The following WWOX variants were observed in gnomAD, a reference collection of about 807,000 sequenced individuals.
The protein encoded by WWOX is WW domain-containing oxidoreductase.
WWOX carries 69 observed loss-of-function variants against 46.2 expected under a neutral mutation model. The observed-to-expected ratio is 1.49, with a 90% CI of 1.23 to 1.82. The LOEUF (loss-of-function observed/expected upper bound fraction) is 1.82, where lower values mean the gene tolerates loss of function less well. WWOX is among the 40% of genes most tolerant of loss of function. The pLI, the probability that WWOX is intolerant of heterozygous loss-of-function variation, is 0.00. For synonymous variants in WWOX, 359 were observed against 202.6 expected, an observed-to-expected ratio of 1.77 and a Z score of -6.56; for missense variants, 919 against 542.6, an observed-to-expected ratio of 1.69 and a Z score of -6.89.
rs549326066 is a variant in WWOX at position 78,519,465 on chromosome 16, C to T, written c.1056+86713C>T. ...TAATGTGTTTCCTTCTAATTTTTTT[C>T]TTCATTTATATTATACATCTATGAA... On this transcript the variant is annotated intron_variant, in intron 8 of 8. Coordinates refer to ENST00000566780, the MANE Select transcript of WWOX (RefSeq NM_016373.4). Among the ~76,000 whole-genome samples, 4 of 151,400 alleles carry T rather than the reference C, an allele frequency of 2.6e-5. No individual in the cohort carries two copies. In the East Asian group the frequency reaches 7.8e-4, roughly 29 times the overall value.
intron 8 of WWOX, among the ~76,000 whole-genome samples, chr16:78,631,869 C>G (rs1276390056): frequency 6.6e-6 from 1 of 152,138 alleles, no homozygotes; most frequent in Admixed American, 6.5e-5. Context: ...GAAGCTTGCT[C>G]TCTTTTTATT....
In WWOX at chr16:79,134,821, C is replaced by T. The variant is rs116628446; in HGVS notation, c.1057-76787C>T. The stretch of plus-strand genomic sequence containing the variant: ...GTTGCCTGTTTCTTTTCATTTGACA[C>T]GGGATGGCCTAATGGGTCCCCACCA... On this transcript the variant is annotated intron_variant, in intron 8 of 8. Transcript: ENST00000566780. Among the ~76,000 whole-genome samples the T allele has an allele frequency of 1.8e-3, 279 of 152,228 alleles. 1 individual carries two copies. The highest frequency in any genetic ancestry group is 6.3e-3 in the African/African-American group (261 of 41,536).
intron 8 of WWOX, among the ~76,000 whole-genome samples, chr16:78,997,465 C>T (rs966737466): frequency 6.6e-6 from 1 of 152,064 alleles, no homozygotes; most frequent in African/African-American, 2.4e-5. Flanking sequence ...GCCTGACCTC[C>T]CTTTTCTCTG....
At chr16:78,977,040 G>A (rs907699648) in intron 8 of WWOX, among the ~76,000 whole-genome samples, 5 of 152,138 alleles carry the variant, frequency 3.3e-5, no homozygotes, top group African/African-American at 1.2e-4. Context: ...GGACAATCAG[G>A]TTTCAACTGA....
At chr16:78,580,227 G>C (rs990648423) in intron 8 of WWOX, among the ~76,000 whole-genome samples, 3 of 151,962 alleles carry the variant, frequency 2.0e-5, no homozygotes, top group African/African-American at 7.3e-5. Context: ...GTGTGTGCCA[G>C]CATGCCCGGC....
intron 5 of WWOX, among the ~76,000 whole-genome samples, chr16:78,331,518 G>C (rs763953588): frequency 5.3e-5 from 8 of 152,140 alleles, no homozygotes; most frequent in Admixed American, 2.0e-4. Context: ...CATTCATTTT[G>C]CTTTGACTTC....
At chr16:79,111,030 A>T (rs1213069274) in intron 8 of WWOX, 1 of 152,168 alleles carries the variant, frequency 6.6e-6, no homozygotes, top group Non-Finnish European at 1.5e-5. Context: ...GTATTTGTAG[A>T]TGTAATCGAC....
intron 8 of WWOX, among the ~76,000 whole-genome samples, chr16:78,526,992 C>A (rs1038128815): frequency 1.3e-5 from 2 of 152,114 alleles, no homozygotes; most frequent in Non-Finnish European, 2.9e-5. Context: ...TGGTGAAACC[C>A]CATCTCTACT....
chr16:78,360,036 AAAAAC>A (rs1233472060), intron 5 of WWOX, among the ~76,000 whole-genome samples: 2 of 152,218 alleles, frequency 1.3e-5, no homozygotes, highest in Admixed American at 6.5e-5. Flanking sequence ...CAAACTTTTT[AAAAAC>A]AAAACAAAAA....
chr16:78,392,189 T>C (rs1352337238), intron 6 of WWOX, among the ~76,000 whole-genome samples: 3 of 151,994 alleles, frequency 2.0e-5, no homozygotes, highest in African/African-American at 2.4e-5. Context: ...TTAGAGCCGC[T>C]CTCTGTCACT....
intron 8 of WWOX, chr16:78,996,370 G>GCGGGGGGGGGGCC: frequency 1.2e-6 from 1 of 834,526 alleles, no homozygotes; most frequent in Non-Finnish European, 1.4e-6. Flanking sequence ...AGTGAATTCT[G>GCGGGGGGGGGGCC]CACCCACCCC....
chr16:79,108,097 T>C (rs1300962949), intron 8 of WWOX, among the ~76,000 whole-genome samples: 1 of 152,240 alleles, frequency 6.6e-6, no homozygotes, highest in Non-Finnish European at 1.5e-5. Context: ...TTTTCTACAA[T>C]GAACATTTGT....
At position 78,925,149 on chromosome 16, in the gene WWOX, A is replaced by C. The variant is rs368051157; in HGVS notation, c.1057-286459A>C. On this transcript the variant is annotated intron_variant, in intron 8 of 8. Coordinates refer to ENST00000566780, the MANE Select transcript of WWOX (RefSeq NM_016373.4). ...GGTCGAGGCTGCAGTGAGCAATGAT[A>C]TTGCCACTGCACTCCAGACTGCATG... is the stretch of plus-strand genomic sequence containing the variant. Among the ~76,000 whole-genome samples the C allele has an allele frequency of 3.5e-4, 53 of 152,278 alleles. 1 individual carries two copies. Among genetic ancestry groups the C allele is most frequent in the Admixed American group, 1.1e-3 (17 of 15,300 alleles).
At chr16:79,005,205 G>A (rs541179575) in intron 8 of WWOX, among the ~76,000 whole-genome samples, 1 of 152,038 alleles carries the variant, frequency 6.6e-6, no homozygotes. Context: ...GTGGACCTCA[G>A]GATTTGTAAG....
intron 8 of WWOX, among the ~76,000 whole-genome samples, chr16:78,668,242 T>C (rs142394674): frequency 1.3e-3 from 203 of 152,212 alleles, no homozygotes; most frequent in African/African-American, 4.8e-3. Flanking sequence ...ATCTATGCCA[T>C]TGCACTCCAG....
At chr16:78,369,323 A>G (rs2081610329) in intron 5 of WWOX, among the ~76,000 whole-genome samples, 1 of 152,114 alleles carries the variant, frequency 6.6e-6, no homozygotes. Flanking sequence ...GGTATCTTTT[A>G]AGTGTGAAGC....
At chr16:78,703,567 C>A (rs531405335) in intron 8 of WWOX, among the ~76,000 whole-genome samples, 6 of 152,024 alleles carry the variant, frequency 3.9e-5, no homozygotes, top group African/African-American at 1.4e-4. Flanking sequence ...TGTAGTGAGC[C>A]CTGGTCTCAC....
rs147454589 is a variant in WWOX at position 78,309,852 on chromosome 16, A to T, written c.517-77008A>T. 2.3e-3 allele frequency among the ~76,000 whole-genome samples: 346 copies of T among 152,296 alleles called. 2 individuals carry two copies. The highest frequency in any genetic ancestry group is 8.1e-3 in the African/African-American group (338 of 41,554). On this transcript the variant is annotated intron_variant, in intron 5 of 8. Coordinates refer to ENST00000566780, the MANE Select transcript of WWOX (RefSeq NM_016373.4). ...TCCTGGCTCCACTACCTGGACCATG[A>T]CAGGTTGTTTAATTGTTCTAGTTAG... is the stretch of plus-strand genomic sequence containing the variant.
At chr16:78,928,203 CTT>C (rs969068848) in intron 8 of WWOX, among the ~76,000 whole-genome samples, 7 of 134,202 alleles carry the variant, frequency 5.2e-5, no homozygotes, top group Non-Finnish European at 8.0e-5. Context: ...TACCACTTTT[CTT>C]TTTTTTTTTT....
Sources: allele counts gnomAD v4.1 joint callset (sites outside exome capture counted in the v4.1 genomes callset), GRCh38; gene constraint gnomAD v4.1.1; transcripts MANE v1.5; gene names NCBI Gene and HGNC (gene_info 2026-07-23, HGNC 2026-07-21).